The following SAMSN1 variants were observed in gnomAD, a reference collection of about 807,000 sequenced individuals.
SAMSN1 encodes SAM domain, SH3 domain and nuclear localization signals 1.
SAMSN1 carries 31 observed loss-of-function variants against 42.0 expected under a neutral mutation model. That is an observed-to-expected ratio of 0.74 (90% CI 0.55 to 1.00). The LOEUF (loss-of-function observed/expected upper bound fraction) is 1.00, where lower values mean the gene tolerates loss of function less well. Ranked by LOEUF, SAMSN1 falls within the 50% of genes least tolerant of loss-of-function variation. The pLI, the probability that SAMSN1 is intolerant of heterozygous loss-of-function variation, is 0.00. For synonymous variants in SAMSN1, 178 were observed against 151.9 expected (o/e 1.17, Z -1.26); for missense variants, 464 against 439.4 (o/e 1.06, Z -0.50).
chr21:14,547,293 G>C (rs1568803324), upstream of SAMSN1, among the ~76,000 whole-genome samples: 1 of 152,088 alleles, frequency 6.6e-6, no homozygotes. Context: ...ACTGATAATT[G>C]CTGCCCTGGT....
chr21:14,653,449 C>T (rs1454313328), intron 1 of SAMSN1, among the ~76,000 whole-genome samples: 1 of 151,844 alleles, frequency 6.6e-6, no homozygotes, highest in Non-Finnish European at 1.5e-5. Context: ...AAAATCAAAA[C>T]AATTGAACTT....
upstream of SAMSN1, chr21:14,546,422 G>T: frequency 3.2e-6 from 4 of 1,236,008 alleles, no homozygotes; most frequent in Non-Finnish European, 4.2e-6. Context: ...CATTTACATG[G>T]GTAATTTTTT....
chr21:14,615,449 C>T (rs1039289212), intron 3 of SAMSN1, among the ~76,000 whole-genome samples: 3 of 152,160 alleles, frequency 2.0e-5, no homozygotes, highest in Non-Finnish European at 4.4e-5. Context: ...CTTCTGTATC[C>T]TCGGCAACCA....
At chr21:14,546,430 T>A (rs777098005), upstream of SAMSN1, 174 of 1,177,722 alleles carry the variant, frequency 1.5e-4, no homozygotes, top group Non-Finnish European at 1.8e-4. Context: ...TGGGTAATTT[T>A]TTTTTCTTAC....
chr21:14,571,014 CAGTT>C lies in SAMSN1; in HGVS notation c.261+11118_261+11121del, dbSNP rs370795145. Reference sequence around the variant, plus strand: ...TATGAATTCTCATTGTCCTTATTATCAGTTAGTTAACTCTTCTCTTCCATCACAT... The same window carrying C: ...TATGAATTCTCATTGTCCTTATTATCAGTTAACTCTTCTCTTCCATCACAT... On this transcript the variant is annotated intron_variant, in intron 2 of 8. Coordinates refer to the SAMSN1 transcript ENST00000285670. Among the ~76,000 whole-genome samples the C allele has an allele frequency of 3.6e-3, 543 of 152,248 alleles. 4 individuals carry two copies. Among genetic ancestry groups the C allele is most frequent in the Middle Eastern group, 0.02 (6 of 294 alleles).
intron 2 of SAMSN1, among the ~76,000 whole-genome samples, chr21:14,573,147 A>C (rs1232412592): frequency 6.6e-6 from 1 of 152,140 alleles, no homozygotes; most frequent in Non-Finnish European, 1.5e-5. Flanking sequence ...TGTGTATGTG[A>C]TGATGGGTGG....
intron 1 of SAMSN1, among the ~76,000 whole-genome samples, chr21:14,534,630 C>T (rs1388577051): frequency 1.3e-5 from 2 of 152,030 alleles, no homozygotes; most frequent in Admixed American, 1.3e-4. Context: ...ATTCTCCTGC[C>T]TCAGCCTCCC....
At chr21:14,530,291 T>G (rs1156252051) in intron 1 of SAMSN1, among the ~76,000 whole-genome samples, 2 of 121,316 alleles carry the variant, frequency 1.6e-5, no homozygotes, top group East Asian at 2.5e-4. Flanking sequence ...CGCTCCAGCC[T>G]GGGCAACAGA....
intron 1 of SAMSN1, among the ~76,000 whole-genome samples, chr21:14,533,004 C>T (rs559906056): frequency 1.3e-5 from 2 of 152,164 alleles, no homozygotes; most frequent in East Asian, 3.9e-4. Flanking sequence ...ACCTTGAACT[C>T]CTAGGCTCCA....
intron 2 of SAMSN1, among the ~76,000 whole-genome samples, chr21:14,581,006 T>C (rs1198740789): frequency 2.6e-5 from 4 of 152,186 alleles, no homozygotes; most frequent in African/African-American, 9.7e-5. Flanking sequence ...TGACTTTAGC[T>C]TCTTGACTAT....
chr21:14,550,436 A>G (rs903454045), upstream of SAMSN1, among the ~76,000 whole-genome samples: 5 of 152,084 alleles, frequency 3.3e-5, no homozygotes, highest in Non-Finnish European at 5.9e-5. Context: ...AGATTAGGGG[A>G]AGATAAAATT....
chr21:14,532,957 A>C (rs1489703319), intron 1 of SAMSN1, among the ~76,000 whole-genome samples: 1 of 152,062 alleles, frequency 6.6e-6, no homozygotes, highest in Non-Finnish European at 1.5e-5. Flanking sequence ...AGGGTTGCCA[A>C]GACTGGAGTG....
chr21:14,616,170 C>T (rs1284603091), intron 2 of SAMSN1, among the ~76,000 whole-genome samples: 1 of 151,796 alleles, frequency 6.6e-6, no homozygotes, highest in African/African-American at 2.4e-5. Context: ...CTGATATGTC[C>T]CCTGTTGTAT....
intron 7 of SAMSN1, among the ~76,000 whole-genome samples, chr21:14,489,858 C>A (rs1382023130): frequency 6.6e-6 from 1 of 151,872 alleles, no homozygotes; most frequent in Non-Finnish European, 1.5e-5. Context: ...AAACAGAAGA[C>A]GTCTAATATA....
chr21:14,650,146 T>C (rs1983807170), intron 1 of SAMSN1, among the ~76,000 whole-genome samples: 1 of 152,090 alleles, frequency 6.6e-6, no homozygotes. Context: ...AGACAGAAAA[T>C]CAACAAAGAA....
In SAMSN1 at chr21:14,517,030, T is replaced by G; in HGVS notation, c.141A>C (p.Gly47=). 1.9e-6 allele frequency: 3 copies of G among 1,610,510 alleles called. No homozygotes were observed. Among genetic ancestry groups the G allele is most frequent in the Non-Finnish European group, 2.5e-6 (3 of 1,178,796 alleles). ...KPDDSTEAHE[G]DPTNGSGEQS... Reference sequence around the variant, plus strand: ...GTTCTCCACTTCCATTTGTGGGATCTCCTTCATGTGCCTAGTTTAGAATTG... The same window carrying G: ...GTTCTCCACTTCCATTTGTGGGATCGCCTTCATGTGCCTAGTTTAGAATTG... The change falls in exon 3 of 8, where the codon GGA becomes GGC. Residue 47 remains glycine, a synonymous_variant. Transcript: ENST00000400566.
At chr21:14,486,255 T>C in intron 7 of SAMSN1, 141 bp from the exon 8 acceptor site, 1 of 629,092 alleles carries the variant, frequency 1.6e-6, no homozygotes, top group Admixed American at 2.9e-5. Flanking sequence ...AAGTAAAAGG[T>C]ATCTTTGTTT....
intron 7 of SAMSN1, 124 bp from the exon 8 acceptor site, chr21:14,486,238 G>A (rs3746826): frequency 0.095 from 61,271 of 645,408 alleles, 4,438 homozygotes; most frequent in East Asian, 0.35. Context: ...ACAATGGAAA[G>A]TTCTGCAAGT....
At chr21:14,610,358 C>T (rs1227264415) in intron 4 of SAMSN1, among the ~76,000 whole-genome samples, 2 of 152,274 alleles carry the variant, frequency 1.3e-5, no homozygotes, top group African/African-American at 4.8e-5. Flanking sequence ...CCCAGGCTTG[C>T]TAGGATTAGG....
Sources: gnomAD v4.1 joint callset for allele counts (sites outside exome capture counted in the v4.1 genomes callset) on GRCh38, gnomAD v4.1.1 for gene constraint, MANE v1.5 for transcripts, NCBI Gene and HGNC (gene_info 2026-07-23, HGNC 2026-07-21) for gene names.